HMG20A: variants seen among roughly 807,000 people sequenced by gnomAD.
HMG20A encodes the protein high mobility group 20A, also known as high mobility group protein 20A.
A neutral mutation model predicts 43.9 loss-of-function variants in HMG20A; 17 were observed. That is an observed-to-expected ratio of 0.39 (90% CI 0.27 to 0.58). The LOEUF (loss-of-function observed/expected upper bound fraction) is 0.58. Ranked by LOEUF, HMG20A falls within the 20% of genes least tolerant of loss-of-function variation. The pLI is 0.59. For missense variants in HMG20A, 341 were observed against 438.2 expected (o/e 0.78, Z 1.98); for synonymous variants, 132 against 147.5 (o/e 0.89, Z 0.76).
At chr15:77,486,537 G>T (rs1479660196), downstream of HMG20A, among the ~76,000 whole-genome samples, 2 of 152,166 alleles carry the variant, frequency 1.3e-5, no homozygotes, top group Non-Finnish European at 2.9e-5. Context: ...GGGATTACAG[G>T]CATGAGCCAC....
At chr15:77,496,316 AGTACC>A in the HMG20A span, among the ~76,000 whole-genome samples, 1 of 152,188 alleles carries the variant, frequency 6.6e-6, no homozygotes, top group Non-Finnish European at 1.5e-5. Context: ...GGCCAAGGGA[AGTACC>A]GATTGCTGGC....
At chr15:77,434,940 T>C (rs1232386457) in intron 1 of HMG20A, among the ~76,000 whole-genome samples, 1 of 152,170 alleles carries the variant, frequency 6.6e-6, no homozygotes, top group Non-Finnish European at 1.5e-5. Context: ...AGAATGTTCA[T>C]AGTAGCATCA....
the HMG20A span, among the ~76,000 whole-genome samples, chr15:77,499,039 A>G: frequency 1.4e-4 from 21 of 152,180 alleles, no homozygotes; most frequent in Non-Finnish European, 2.4e-4. Context: ...GAAGGTGCTG[A>G]AGACTTCATA....
the HMG20A span, among the ~76,000 whole-genome samples, chr15:77,497,682 A>AGTGTGT: frequency 2.5e-5 from 3 of 118,988 alleles, no homozygotes; most frequent in African/African-American, 6.4e-5. Context: ...AGAGAGAGAG[A>AGTGTGT]GTGTGTGTGT....
intron 1 of HMG20A, among the ~76,000 whole-genome samples, chr15:77,454,530 T>C (rs953910590): frequency 2.6e-5 from 4 of 152,108 alleles, no homozygotes; most frequent in Non-Finnish European, 5.9e-5. Flanking sequence ...TTGGGAAATA[T>C]CCTAAGAACA....
At chr15:77,422,342 A>T (rs774561988) in intron 1 of HMG20A, among the ~76,000 whole-genome samples, 11 of 152,158 alleles carry the variant, frequency 7.2e-5, no homozygotes, top group Admixed American at 2.6e-4. Context: ...TTTTTTAAAA[A>T]GCTGTTTGGT....
At chr15:77,450,382 G>A (rs750206451) in intron 1 of HMG20A, among the ~76,000 whole-genome samples, 8 of 152,178 alleles carry the variant, frequency 5.3e-5, no homozygotes, top group Non-Finnish European at 1.0e-4. Context: ...CATTTATGGT[G>A]TATCCATTTA....
downstream of HMG20A, among the ~76,000 whole-genome samples, chr15:77,488,677 T>C (rs547615307): frequency 3.9e-5 from 6 of 152,288 alleles, no homozygotes; most frequent in South Asian, 1.2e-3. Flanking sequence ...GGTCAGAACA[T>C]TTGGATTAAT....
intron 4 of HMG20A, among the ~76,000 whole-genome samples, chr15:77,470,581 A>G (rs1430472290): frequency 6.6e-6 from 1 of 152,196 alleles, no homozygotes; most frequent in Non-Finnish European, 1.5e-5. Context: ...TAGTGGCCAT[A>G]TAGAGTTCTA....
chr15:77,459,283 G>T (rs377300160), intron 2 of HMG20A, among the ~76,000 whole-genome samples: 2 of 152,054 alleles, frequency 1.3e-5, no homozygotes, highest in Admixed American at 6.6e-5. Context: ...TTTTCTAAAG[G>T]CTGCTTAGTT....
intron 4 of HMG20A, among the ~76,000 whole-genome samples, chr15:77,469,721 G>A (rs531401194): frequency 2.0e-5 from 3 of 152,220 alleles, no homozygotes; most frequent in African/African-American, 7.2e-5. Context: ...AAACTGGAGT[G>A]CGGTGGCACA....
chr15:77,462,589 G>T (rs371816420), intron 2 of HMG20A, among the ~76,000 whole-genome samples: 2 of 140,938 alleles, frequency 1.4e-5, no homozygotes, highest in South Asian at 2.2e-4. Context: ...TCATTTTCTT[G>T]TGTGTCTGTC....
chr15:77,491,022 C>A, the HMG20A span, among the ~76,000 whole-genome samples: 3 of 152,230 alleles, frequency 2.0e-5, no homozygotes, highest in African/African-American at 7.2e-5. Context: ...CTTTTTAATT[C>A]TTGACGCTTC....
chr15:77,444,714 G>T (rs11636405), intron 1 of HMG20A, among the ~76,000 whole-genome samples: 148,764 of 152,312 alleles, frequency 0.98, 72,736 homozygotes, highest in East Asian at 1. Context: ...TGTGTCAAAT[G>T]TGAATTCTAT....
chr15:77,475,361 C>T (rs568841934), intron 6 of HMG20A, among the ~76,000 whole-genome samples: 2 of 152,288 alleles, frequency 1.3e-5, no homozygotes, highest in African/African-American at 4.8e-5. Flanking sequence ...GAATCTGTAC[C>T]AAGGGGCAGT....
the HMG20A span, among the ~76,000 whole-genome samples, chr15:77,505,169 C>CA: frequency 1.3e-5 from 2 of 152,210 alleles, no homozygotes; most frequent in Non-Finnish European, 2.9e-5. Context: ...AGTGCCCTTC[C>CA]AGCCCTGGAC....
At chr15:77,466,442 G>T in intron 3 of HMG20A, among the ~76,000 whole-genome samples, 1 of 152,188 alleles carries the variant, frequency 6.6e-6, no homozygotes, top group Middle Eastern at 3.4e-3. Flanking sequence ...CAAAGAGCTC[G>T]TCTTCATTTC....
At chr15:77,426,220 C>T (rs186587178) in intron 1 of HMG20A, among the ~76,000 whole-genome samples, 3 of 152,244 alleles carry the variant, frequency 2.0e-5, no homozygotes, top group South Asian at 4.1e-4. Context: ...TACTAATATA[C>T]AGTTGACACC....
chr15:77,421,337 C>T (rs1342585257), intron 1 of HMG20A, among the ~76,000 whole-genome samples: 1 of 152,312 alleles, frequency 6.6e-6, no homozygotes, highest in South Asian at 2.1e-4. Flanking sequence ...TAGATTATTC[C>T]AAGTTGTGCT....
Sources: allele counts gnomAD v4.1 joint callset (sites outside exome capture counted in the v4.1 genomes callset), GRCh38; gene constraint gnomAD v4.1.1; transcripts MANE v1.5; gene names NCBI Gene and HGNC (gene_info 2026-07-23, HGNC 2026-07-21).